PHF11: variants seen among roughly 807,000 people sequenced by gnomAD.
PHF11 encodes BRCA1 C-terminus-associated protein.
In PHF11, 38 loss-of-function variants were observed where a neutral mutation model predicts 40.5. The ratio of observed to expected loss-of-function variants is 0.94; its 90% CI spans 0.72 to 1.23. PHF11 has a LOEUF of 1.23. Among genes scored for constraint, PHF11 ranks in the 50% most tolerant of loss-of-function variants. The pLI is 0.00. For synonymous variants in PHF11, 127 were observed against 138.2 expected (o/e 0.92, Z 0.57); for missense variants, 369 against 392.4 (o/e 0.94, Z 0.50).
chr13:49,516,423 AT>A (rs1229480426), intron 3 of PHF11, among the ~76,000 whole-genome samples: 2 of 150,228 alleles, frequency 1.3e-5, no homozygotes, highest in African/African-American at 4.9e-5. Flanking sequence ...AGCCATTTGT[AT>A]TTTTTCTTCT....
intron 8 of PHF11, chr13:49,525,723 A>G (rs1566198505): frequency 2.3e-6 from 1 of 431,438 alleles, no homozygotes; most frequent in South Asian, 1.7e-5. Context: ...AATAGTAAGC[A>G]TTTCCAAAAG....
intron 2 of PHF11, among the ~76,000 whole-genome samples, chr13:49,507,604 A>G (rs917777002): frequency 2.0e-5 from 3 of 152,352 alleles, no homozygotes; most frequent in Non-Finnish European, 4.4e-5. Flanking sequence ...TGTACCATTT[A>G]ATACACCTAA....
rs1225836649 is a variant in PHF11 at position 49,526,353 on chromosome 13, CTG to C, written c.770-32_770-31del. 3 of 1,388,346 alleles carry C rather than the reference CTG, an allele frequency of 2.2e-6. No homozygotes were observed. In the African/African-American group the frequency reaches 4.3e-5, roughly 20 times the overall value. 86.0% of individuals were successfully genotyped at this position (1,388,346 alleles called of 1,614,324 possible). A position where few individuals can be genotyped will look rare whatever the true frequency, so the allele number is the denominator to read the frequency against. On this transcript the variant is annotated intron_variant, in intron 8 of 9. Transcript: ENST00000378319. ...ATGGAGGAGTTTCTGCCTATACAAA[CTG>C]TTTAATATTGAAAATGTTTCTCTCC...
chr13:49,512,945 C>T lies in PHF11; in HGVS notation c.217-114C>T, dbSNP rs2139052957. The T allele has an allele frequency of 8.1e-6, 5 of 616,074 alleles. No homozygotes were observed. The East Asian group carries it at 1.4e-4, about 18-fold the overall frequency. The allele number at this position is 616,074 out of a possible 1,614,324, so 38.2% of individuals were successfully genotyped here. A position where few individuals can be genotyped will look rare whatever the true frequency, so the allele number is the denominator to read the frequency against. The stretch of plus-strand genomic sequence containing the variant: ...CACCCCCAAAGTTGCCACTGTTTTA[C>T]CCCCAGTCCATTTCCCACTCCTGGT... On this transcript the variant is annotated intron_variant, in intron 2 of 9. Transcript: ENST00000378319.
At chr13:49,525,707 G>T in intron 8 of PHF11, 1 of 418,660 alleles carries the variant, frequency 2.4e-6, no homozygotes, top group Non-Finnish European at 4.7e-6. Flanking sequence ...ACCAAAAAGT[G>T]AAATAAATAG....
intron 4 of PHF11, chr13:49,518,628 A>C (rs1349535152): frequency 6.6e-6 from 1 of 152,164 alleles, no homozygotes; most frequent in East Asian, 1.9e-4. Context: ...TGAGGTAGAT[A>C]CTATTATCTC....
Position 49,520,936 on chromosome 13 carries a change from A to C in PHF11, c.501A>C (p.Gln167His), listed in dbSNP as rs1959184800. Residue 167 changes from glutamine to histidine, a missense_variant, in exon 5 of 10, where the codon CAA (glutamine) becomes CAC (histidine). Coordinates refer to ENST00000378319, the MANE Select transcript of PHF11 (RefSeq NM_001040443.3). Reference protein sequence around the residue: ...QQHAQFPIIAQSAKFSGVKRK... With the variant: ...QQHAQFPIIAHSAKFSGVKRK... The stretch of plus-strand genomic sequence containing the variant: ...ATGCTCAATTCCCGATCATCGCTCA[A>C]AGTGGTAAGTTTCTAAAATTTAGCA... 6.3e-7 allele frequency: 1 copy of C among 1,580,400 alleles called. No homozygotes were observed. The highest frequency in any genetic ancestry group is 1.3e-5 in the African/African-American group (1 of 74,226).
chr13:49,504,623 C>T (rs1958957193), intron 1 of PHF11, among the ~76,000 whole-genome samples: 2 of 147,712 alleles, frequency 1.4e-5, no homozygotes, highest in Non-Finnish European at 3.0e-5. Flanking sequence ...GCCAGCCGCC[C>T]CGTCCGGGAG....
chr13:49,519,367 A>C (rs1393674414), intron 4 of PHF11, among the ~76,000 whole-genome samples: 1 of 152,144 alleles, frequency 6.6e-6, no homozygotes, highest in Non-Finnish European at 1.5e-5. Flanking sequence ...AATGAAAAGG[A>C]ATGTCCCTGC....
intron 1 of PHF11, among the ~76,000 whole-genome samples, chr13:49,505,535 T>C (rs931439669): frequency 5.3e-5 from 8 of 152,186 alleles, no homozygotes; most frequent in African/African-American, 1.7e-4. Flanking sequence ...AAACTAAAAT[T>C]TGAAAATTAT....
chr13:49,519,125 G>A (rs1274901210), intron 4 of PHF11, among the ~76,000 whole-genome samples: 6 of 152,112 alleles, frequency 3.9e-5, no homozygotes, highest in African/African-American at 1.2e-4. Flanking sequence ...GTGAGCCACC[G>A]CGCCCGGGCT....
intron 2 of PHF11, among the ~76,000 whole-genome samples, chr13:49,507,032 T>C (rs111257543): frequency 1.4e-3 from 210 of 150,960 alleles, no homozygotes; most frequent in African/African-American, 4.7e-3. Context: ...GCCTCCCGAG[T>C]AGCTGGGACT....
intron 8 of PHF11, among the ~76,000 whole-genome samples, chr13:49,525,404 C>T (rs4942836): frequency 0.47 from 70,643 of 151,912 alleles, 17,208 homozygotes; most frequent in Middle Eastern, 0.58. Flanking sequence ...TGTGCCAACA[C>T]ACTCGGCTAA....
At chr13:49,522,749 T>C (rs1219266787) in intron 6 of PHF11, among the ~76,000 whole-genome samples, 4 of 145,064 alleles carry the variant, frequency 2.8e-5, no homozygotes, top group African/African-American at 5.1e-5. Flanking sequence ...CATCTAAATA[T>C]GAATATGGGG....
intron 4 of PHF11, among the ~76,000 whole-genome samples, chr13:49,519,428 A>AGG (rs1959177279): frequency 6.6e-5 from 10 of 152,136 alleles, no homozygotes; most frequent in Non-Finnish European, 1.3e-4. Flanking sequence ...TAGAAGAACT[A>AGG]ACAAATAGGG....
At chr13:49,505,812 T>A (rs1332698033) in intron 1 of PHF11, among the ~76,000 whole-genome samples, 1 of 152,198 alleles carries the variant, frequency 6.6e-6, no homozygotes, top group Non-Finnish European at 1.5e-5. Context: ...ATCTACTTCC[T>A]ACCTTCATGT....
intron 3 of PHF11, among the ~76,000 whole-genome samples, chr13:49,515,412 AT>A (rs1422333474): frequency 1.3e-5 from 2 of 150,378 alleles, no homozygotes; most frequent in Non-Finnish European, 3.0e-5. Flanking sequence ...ATCCAATAGC[AT>A]TTCAGAGTAA....
intron 8 of PHF11, 28 bp from the exon 9 acceptor site, chr13:49,526,357 TTA>T (rs1959275834): frequency 6.9e-7 from 1 of 1,447,782 alleles, no homozygotes; most frequent in East Asian, 2.3e-5. Context: ...TACAAACTGT[TTA>T]ATATTGAAAA....
intron 9 of PHF11, 107 bp downstream of exon 9, chr13:49,526,565 A>AT (rs1959291690): frequency 1.4e-6 from 1 of 736,856 alleles, no homozygotes. Context: ...AAGAATGTTC[A>AT]TTGTTTTCTT....
Sources: allele counts gnomAD v4.1 joint callset (sites outside exome capture counted in the v4.1 genomes callset), GRCh38; gene constraint gnomAD v4.1.1; transcripts MANE v1.5; gene names NCBI Gene and HGNC (gene_info 2026-07-23, HGNC 2026-07-21).